The following TRPM3 variants were observed in gnomAD, a reference collection of about 807,000 sequenced individuals.
The protein encoded by TRPM3 is transient receptor potential cation channel subfamily M member 3.
TRPM3 carries 77 observed loss-of-function variants against 181.2 expected under a neutral mutation model. The observed-to-expected ratio is 0.42, with a 90% confidence interval of 0.35 to 0.51. The LOEUF (loss-of-function observed/expected upper bound fraction) is 0.51, where lower values mean the gene tolerates loss of function less well. Ranked by LOEUF, TRPM3 falls within the 20% of genes least tolerant of loss-of-function variation. TRPM3 has a pLI of 0.01. For synonymous variants in TRPM3, 745 were observed against 796.4 expected, an observed-to-expected ratio of 0.94 and a Z score of 1.09; for missense variants, 1,759 against 2,196.7, an observed-to-expected ratio of 0.80 and a Z score of 3.98.
At chr9:70,781,521 A>G (rs2082463176) in intron 7 of TRPM3, among the ~76,000 whole-genome samples, 1 of 151,912 alleles carries the variant, frequency 6.6e-6, no homozygotes, top group Non-Finnish European at 1.5e-5. Flanking sequence ...TAATAATACT[A>G]AAGTATAATG....
At position 70,931,581 on chromosome 9, in the gene TRPM3, C is replaced by G. The variant is rs1211201686; in HGVS notation, c.178-67070G>C. Reference sequence around the variant, plus strand: ...AAGAAGTAAAAGTTAGAATTGATCACCATTTGACTCTTTTTTTTTTGTACT... The same window carrying G: ...AAGAAGTAAAAGTTAGAATTGATCAGCATTTGACTCTTTTTTTTTTGTACT... On this transcript the variant is annotated intron_variant, in intron 1 of 25. Transcript: ENST00000677713. 2.0e-5 allele frequency among the ~76,000 whole-genome samples: 3 copies of G among 151,416 alleles called. No homozygotes were observed. In the East Asian group the frequency reaches 5.8e-4, roughly 29 times the overall value.
chr9:71,324,093 C>A (rs2089466487), intron 1 of TRPM3, among the ~76,000 whole-genome samples: 1 of 151,988 alleles, frequency 6.6e-6, no homozygotes, highest in Non-Finnish European at 1.5e-5. Context: ...AGAGTTCATT[C>A]ACTAGATACT....
intron 1 of TRPM3, among the ~76,000 whole-genome samples, chr9:71,246,020 G>A (rs1565380342): frequency 2.6e-5 from 4 of 152,256 alleles, no homozygotes; most frequent in East Asian, 1.9e-4. Context: ...AGGAGGGATT[G>A]GAGTATGATT....
chr9:71,092,190 T>C (rs879519931), intron 1 of TRPM3, among the ~76,000 whole-genome samples: 17 of 152,130 alleles, frequency 1.1e-4, no homozygotes, highest in African/African-American at 2.2e-4. Flanking sequence ...ATTGCCTTTA[T>C]AGAGAAAAGA....
chr9:70,635,339 A>T, intron 11 of TRPM3, 78 bp from the exon 12 acceptor site: 1 of 1,318,760 alleles, frequency 7.6e-7, no homozygotes, highest in Non-Finnish European at 1.1e-6. Context: ...ATCTAGAAGG[A>T]AGGGTGCTGG....
chr9:70,538,557 T>C (rs1483061625), intron 25 of TRPM3, among the ~76,000 whole-genome samples: 1 of 152,180 alleles, frequency 6.6e-6, no homozygotes, highest in Non-Finnish European at 1.5e-5. Context: ...GCCTCTCTAG[T>C]AGCTGGGACT....
chr9:71,433,784 C>T (rs2093991915), intron 1 of TRPM3, among the ~76,000 whole-genome samples: 1 of 152,322 alleles, frequency 6.6e-6, no homozygotes, highest in Middle Eastern at 3.4e-3. Flanking sequence ...AGGTCGGATG[C>T]TTCACATCCC....
chr9:71,409,690 A>C (rs961189573), intron 1 of TRPM3, among the ~76,000 whole-genome samples: 1 of 152,156 alleles, frequency 6.6e-6, no homozygotes, highest in African/African-American at 2.4e-5. Context: ...TCAACATTAA[A>C]CAGATCAACG....
chr9:70,946,433 GTAA>G (rs55711193), intron 1 of TRPM3, among the ~76,000 whole-genome samples: 52,330 of 144,470 alleles, frequency 0.36, 9,452 homozygotes, highest in African/African-American at 0.43. Flanking sequence ...CTGTTAAATG[GTAA>G]TAATAATAAT....
chr9:71,116,978 C>A (rs1488346253), intron 1 of TRPM3, among the ~76,000 whole-genome samples: 1 of 152,058 alleles, frequency 6.6e-6, no homozygotes, highest in Admixed American at 6.6e-5. Flanking sequence ...CCTTTCTAGC[C>A]CGGGAAAGAG....
intron 1 of TRPM3, among the ~76,000 whole-genome samples, chr9:71,062,356 C>A (rs886667121): frequency 6.6e-6 from 1 of 152,052 alleles, no homozygotes; most frequent in Non-Finnish European, 1.5e-5. Flanking sequence ...ATTAAGCCAG[C>A]CAATGTGATG....
intron 4 of TRPM3, among the ~76,000 whole-genome samples, chr9:70,845,103 T>G (rs921741989): frequency 6.6e-6 from 1 of 152,160 alleles, no homozygotes; most frequent in African/African-American, 2.4e-5. Context: ...GTCTGCAGAC[T>G]TCATCGCTGA....
intron 9 of TRPM3, among the ~76,000 whole-genome samples, chr9:70,672,553 T>G (rs2063174023): frequency 6.6e-6 from 1 of 152,240 alleles, no homozygotes. Context: ...GTGTTTCTGT[T>G]ACTTGTAACT....
At chr9:70,690,550 T>G (rs201210972) in intron 8 of TRPM3, among the ~76,000 whole-genome samples, 1 of 62,108 alleles carries the variant, frequency 1.6e-5, no homozygotes, top group Non-Finnish European at 3.3e-5. Context: ...ATTTATTTAT[T>G]TATATTTATT....
chr9:71,248,840 C>T (rs897366591), intron 1 of TRPM3, among the ~76,000 whole-genome samples: 5 of 152,094 alleles, frequency 3.3e-5, no homozygotes, highest in African/African-American at 1.2e-4. Flanking sequence ...TTTGTGGAAG[C>T]AGGGGTTTTG....
At chr9:71,101,495 G>C (rs1409096692) in intron 1 of TRPM3, among the ~76,000 whole-genome samples, 1 of 152,158 alleles carries the variant, frequency 6.6e-6, no homozygotes, top group Admixed American at 6.6e-5. Flanking sequence ...GGCTAGGAGA[G>C]TACAGGGAGT....
At chr9:70,821,150 A>G (rs938029080) in intron 6 of TRPM3, among the ~76,000 whole-genome samples, 4 of 152,194 alleles carry the variant, frequency 2.6e-5, no homozygotes, top group Admixed American at 6.5e-5. Flanking sequence ...TCTTAGACTA[A>G]TATTTGCCAT....
chr9:70,739,698 C>T (rs2073589894), intron 8 of TRPM3, among the ~76,000 whole-genome samples: 1 of 152,056 alleles, frequency 6.6e-6, no homozygotes, highest in South Asian at 2.1e-4. Context: ...GCAACTTCTG[C>T]CTTCCAGGTT....
intron 1 of TRPM3, among the ~76,000 whole-genome samples, chr9:71,163,355 T>C (rs932020390): frequency 8.9e-5 from 13 of 145,744 alleles, no homozygotes; most frequent in African/African-American, 2.8e-4. Flanking sequence ...GGTAGGTAGG[T>C]AGATTGATGA....
Sources: gnomAD v4.1 joint callset for allele counts (sites outside exome capture counted in the v4.1 genomes callset) on GRCh38, gnomAD v4.1.1 for gene constraint, MANE v1.5 for transcripts, NCBI Gene and HGNC (gene_info 2026-07-23, HGNC 2026-07-21) for gene names.